The following PLXDC2 variants were observed in gnomAD, a reference collection of about 807,000 sequenced individuals.
The protein encoded by PLXDC2 is plexin domain-containing protein 2.
In PLXDC2, 40 loss-of-function variants were observed where a neutral mutation model predicts 68.9. The ratio of observed to expected loss-of-function variants is 0.58; its 90% CI spans 0.45 to 0.76. PLXDC2 has a LOEUF of 0.76. PLXDC2 is among the 30% of genes least tolerant of loss of function. PLXDC2 has a pLI of 0.00. For missense variants in PLXDC2, 644 were observed against 661.9 expected, an observed-to-expected ratio of 0.97 and a Z score of 0.30; for synonymous variants, 243 against 234.2, an observed-to-expected ratio of 1.04 and a Z score of -0.34.
intron 1 of PLXDC2, among the ~76,000 whole-genome samples, chr10:19,976,976 C>A (rs968798979): frequency 6.6e-6 from 1 of 151,070 alleles, no homozygotes; most frequent in Non-Finnish European, 1.5e-5. Flanking sequence ...AAATAAAATT[C>A]TGTTCTTATT....
At chr10:19,954,400 A>G (rs1394098555) in intron 1 of PLXDC2, among the ~76,000 whole-genome samples, 1 of 152,228 alleles carries the variant, frequency 6.6e-6, no homozygotes, top group African/African-American at 2.4e-5. Flanking sequence ...AGGAGTAAGC[A>G]TCTAACATCT....
chr10:20,141,162 T>G lies in PLXDC2; in HGVS notation c.542-2133T>G, dbSNP rs539229046. ...TGATAAATTGTAGATTTGGGAAACA[T>G]TTTCCCGATCAAAAGAAATAACAGT... is the stretch of plus-strand genomic sequence containing the variant. On this transcript the variant is annotated intron_variant, in intron 4 of 13. Coordinates refer to ENST00000377252, the MANE Select transcript of PLXDC2 (RefSeq NM_032812.9). Among the ~76,000 whole-genome samples the G allele has an allele frequency of 2.6e-5, 4 of 152,272 alleles. No homozygotes were observed. In the South Asian group the frequency reaches 8.3e-4, roughly 32 times the overall value.
At chr10:19,966,260 T>C (rs1006768230) in intron 1 of PLXDC2, among the ~76,000 whole-genome samples, 3 of 148,360 alleles carry the variant, frequency 2.0e-5, no homozygotes, top group Non-Finnish European at 4.5e-5. Context: ...GTATATAGTA[T>C]GTGTAAGTAC....
chr10:20,247,579 T>C (rs561524494), intron 13 of PLXDC2, among the ~76,000 whole-genome samples: 1 of 152,328 alleles, frequency 6.6e-6, no homozygotes, highest in Admixed American at 6.5e-5. Context: ...ACCATCTTCC[T>C]GCCTCGGCAG....
At chr10:19,840,534 C>T (rs333692) in intron 1 of PLXDC2, among the ~76,000 whole-genome samples, 41,392 of 151,996 alleles carry the variant, frequency 0.27, 6,223 homozygotes, top group East Asian at 0.46. Context: ...AGTAAGCTCA[C>T]AGTTCCAAGA....
chr10:20,083,407 G>C (rs1836612924), intron 4 of PLXDC2, among the ~76,000 whole-genome samples: 2 of 151,380 alleles, frequency 1.3e-5, no homozygotes, highest in African/African-American at 4.9e-5. Context: ...AACCCGGGAG[G>C]CGGAGCTTGC....
Position 20,262,635 on chromosome 10 carries a change from C to T in PLXDC2, c.1474-17068C>T, listed in dbSNP as rs150357629. On this transcript the variant is annotated intron_variant, in intron 13 of 13. Coordinates refer to ENST00000377252, the MANE Select transcript of PLXDC2 (RefSeq NM_032812.9). ...ACGAAGGCCAGACTGCTGCTTTAAG[C>T]GGGTACCGAATCCCGTACCTCCCCC... Among the ~76,000 whole-genome samples the T allele has an allele frequency of 4.2e-3, 644 of 152,322 alleles. 4 individuals carry two copies. Among genetic ancestry groups the T allele is most frequent in the African/African-American group, 0.014 (600 of 41,588 alleles).
intron 1 of PLXDC2, among the ~76,000 whole-genome samples, chr10:19,990,818 A>G (rs1281895293): frequency 2.0e-5 from 3 of 152,222 alleles, no homozygotes; most frequent in Admixed American, 6.5e-5. Context: ...CATTCATAGC[A>G]TTTTAGAAAT....
Position 20,287,015 on chromosome 10 carries a change from T to G in PLXDC2, c.*7196T>G, listed in dbSNP as rs1588562412. 2.0e-5 allele frequency: 3 copies of G among 152,400 alleles called. No homozygotes were observed. The South Asian group carries it at 6.2e-4, about 32-fold the overall frequency. 9.4% of individuals were successfully genotyped at this position (152,400 alleles called of 1,614,324 possible). On this transcript the variant is annotated 3_prime_UTR_variant, in exon 14 of 14. Coordinates refer to ENST00000377252, the MANE Select transcript of PLXDC2 (RefSeq NM_032812.9). Reference sequence around the variant, plus strand: ...CTGGAATTACAGGCCTGAGCCACCGTGCCTGGCCGAGTTATTAACTTCTTA... The same window carrying G: ...CTGGAATTACAGGCCTGAGCCACCGGGCCTGGCCGAGTTATTAACTTCTTA...
At chr10:20,123,707 C>A (rs530013235) in intron 4 of PLXDC2, among the ~76,000 whole-genome samples, 6 of 151,420 alleles carry the variant, frequency 4.0e-5, no homozygotes, top group African/African-American at 1.5e-4. Context: ...TTCGGGGGTT[C>A]TTACCCTCCA....
rs560283917 is a variant in PLXDC2, at chr10:20,057,557, G to A, written c.471+10542G>A. Among the ~76,000 whole-genome samples the A allele has an allele frequency of 1.6e-4, 25 of 152,060 alleles. No individual in the cohort carries two copies. The South Asian group carries it at 4.4e-3, about 26-fold the overall frequency. ...GTGTTCTAGACATAGTATTCCCATC[G>A]GAATTCCCAGCCCCAGAGAATAGGC... On this transcript the variant is annotated intron_variant, in intron 3 of 13. Coordinates refer to ENST00000377252, the MANE Select transcript of PLXDC2 (RefSeq NM_032812.9).
chr10:19,980,893 G>A (rs1834540757), intron 1 of PLXDC2, among the ~76,000 whole-genome samples: 1 of 152,066 alleles, frequency 6.6e-6, no homozygotes, highest in Non-Finnish European at 1.5e-5. Flanking sequence ...ATAACATCTG[G>A]TTTTATAACT....
At chr10:20,008,501 C>T (rs540104303) in intron 2 of PLXDC2, among the ~76,000 whole-genome samples, 4 of 152,042 alleles carry the variant, frequency 2.6e-5, no homozygotes, top group East Asian at 1.9e-4. Flanking sequence ...TGCAGTGAGC[C>T]GAGATCGTGT....
chr10:20,132,803 CTT>C (rs912161974), intron 4 of PLXDC2, among the ~76,000 whole-genome samples: 2 of 151,216 alleles, frequency 1.3e-5, no homozygotes, highest in African/African-American at 4.8e-5. Flanking sequence ...CACTATATGT[CTT>C]TTGATTGAAG....
chr10:20,162,055 AGAGAGAGAGAGAGAGAGAAGGAAG>A (rs1564337873), intron 6 of PLXDC2, among the ~76,000 whole-genome samples: 2 of 118,228 alleles, frequency 1.7e-5, no homozygotes, highest in African/African-American at 6.7e-5. Context: ...AGAGAGAGAG[AGAGAGAGAGAGAGAGAGAAGGAAG>A]GAAGGAAGGA....
intron 1 of PLXDC2, among the ~76,000 whole-genome samples, chr10:19,925,417 A>G (rs1422056050): frequency 2.6e-5 from 4 of 152,264 alleles, no homozygotes; most frequent in East Asian, 1.9e-4. Context: ...ACAGAAGAGC[A>G]TGGAGAGGCT....
At chr10:20,245,860 A>T (rs995591433) in intron 13 of PLXDC2, among the ~76,000 whole-genome samples, 7 of 152,172 alleles carry the variant, frequency 4.6e-5, no homozygotes, top group African/African-American at 1.7e-4. Flanking sequence ...GGGGCTGAAG[A>T]CTTAGCTTAA....
In PLXDC2 at chr10:19,917,785, C is replaced by T. The variant is rs181518481; in HGVS notation, c.113-83990C>T. On this transcript the variant is annotated intron_variant, in intron 1 of 13. Coordinates refer to ENST00000377252, the MANE Select transcript of PLXDC2 (RefSeq NM_032812.9). ...AAAACCTACTCATCTGAATGCATTA[C>T]GATAAAATAAATTAAATGCCTATAT... 2.1e-4 allele frequency among the ~76,000 whole-genome samples: 32 copies of T among 152,166 alleles called. 1 individual carries two copies. The Middle Eastern group carries it at 0.014, about 65-fold the overall frequency.
intron 1 of PLXDC2, among the ~76,000 whole-genome samples, chr10:19,965,499 TA>T (rs1022126672): frequency 2.5e-4 from 38 of 152,254 alleles, no homozygotes; most frequent in Admixed American, 2.2e-3. Context: ...CTGAATTCCT[TA>T]GTATGTCATC....
Sources: gnomAD v4.1 joint callset for allele counts (sites outside exome capture counted in the v4.1 genomes callset) on GRCh38, gnomAD v4.1.1 for gene constraint, MANE v1.5 for transcripts, NCBI Gene and HGNC (gene_info 2026-07-23, HGNC 2026-07-21) for gene names.